The following CCDC169 variants were observed in gnomAD, a reference collection of about 807,000 sequenced individuals.
The protein encoded by CCDC169 is coiled-coil domain-containing protein 169.
A neutral mutation model predicts 36.0 loss-of-function variants in CCDC169; 30 were observed. That is an observed-to-expected ratio of 0.83 (90% CI 0.62 to 1.13). CCDC169 has a LOEUF of 1.13. CCDC169 is among the 50% of genes most tolerant of loss of function. The pLI, the probability that CCDC169 is intolerant of heterozygous loss-of-function variation, is 0.00. For synonymous variants in CCDC169, 85 were observed against 81.5 expected, an observed-to-expected ratio of 1.04 and a Z score of -0.23; for missense variants, 245 against 245.9, an observed-to-expected ratio of 1.00 and a Z score of 0.03.
At chr13:36,267,419 T>C (rs1290226757) in intron 4 of CCDC169, 1 of 152,198 alleles carries the variant, frequency 6.6e-6, no homozygotes. Flanking sequence ...TGAGGGAATT[T>C]GTCACTACCA....
At chr13:36,244,888 G>T (rs1872312277) in intron 7 of CCDC169, among the ~76,000 whole-genome samples, 1 of 142,530 alleles carries the variant, frequency 7.0e-6, no homozygotes, top group South Asian at 2.2e-4. Flanking sequence ...TTCCAGGGAA[G>T]TCCTTTGTCA....
chr13:36,294,358 A>G (rs1397333131), intron 2 of CCDC169, among the ~76,000 whole-genome samples: 1 of 152,156 alleles, frequency 6.6e-6, no homozygotes, highest in Non-Finnish European at 1.5e-5. Flanking sequence ...CAACGCAGCT[A>G]CTTGATAAGT....
In CCDC169 at chr13:36,264,223, T is replaced by C. The variant is rs115198587; in HGVS notation, c.316-10080A>G. 4.1e-3 allele frequency among the ~76,000 whole-genome samples: 622 copies of C among 152,184 alleles called. 7 individuals are homozygous for C. The highest frequency in any genetic ancestry group is 0.014 in the African/African-American group (590 of 41,532). ...GTTAAAAATACAGGCAATATATGAT[T>C]AAAAGCCAAAATCTGAAACATACAC... On this transcript the variant is annotated intron_variant, in intron 4 of 7. Coordinates refer to ENST00000239859, the MANE Select transcript of CCDC169 (RefSeq NM_001144981.3).
intron 4 of CCDC169, among the ~76,000 whole-genome samples, chr13:36,277,946 A>G (rs1304783818): frequency 1.2e-5 from 1 of 82,334 alleles, no homozygotes; most frequent in African/African-American, 3.8e-5. Context: ...CTCCGTCTCA[A>G]AAAAAAAAAA....
intron 4 of CCDC169, among the ~76,000 whole-genome samples, chr13:36,279,532 G>C (rs1877247020): frequency 1.3e-5 from 2 of 152,082 alleles, no homozygotes; most frequent in African/African-American, 4.8e-5. Flanking sequence ...TTTTTTATTA[G>C]AATTACCTGA....
intron 6 of CCDC169, 53 bp downstream of exon 6, chr13:36,253,750 C>T (rs1873470042): frequency 6.6e-7 from 1 of 1,517,562 alleles, no homozygotes; most frequent in Admixed American, 2.4e-5. Context: ...AAGTGAAAAA[C>T]ATAATTTACA....
At position 36,254,036 on chromosome 13, in the gene CCDC169, A is replaced by G; in HGVS notation, c.414+9T>C. On this transcript the variant is annotated intron_variant, in intron 5 of 7. Transcript: ENST00000239859. ...CAAAGGAATTGCTAAGTATAGAGTA[A>G]AAACAAACCTTTGATTCTTGTTCCA... 4 of 1,543,396 alleles carry G rather than the reference A, an allele frequency of 2.6e-6. No individual in the cohort carries two copies. Among genetic ancestry groups the G allele is most frequent in the Non-Finnish European group, 2.6e-6 (3 of 1,144,580 alleles).
chr13:36,226,768 C>T, downstream of CCDC169: 1 of 195,048 alleles, frequency 5.1e-6, no homozygotes, highest in Non-Finnish European at 1.0e-5. Flanking sequence ...ATAAAGACAG[C>T]AACAATAGAC....
intron 6 of CCDC169, among the ~76,000 whole-genome samples, chr13:36,252,863 C>A (rs1213483473): frequency 1.3e-5 from 2 of 151,944 alleles, no homozygotes; most frequent in African/African-American, 4.8e-5. Context: ...AAACATATGC[C>A]AAAATAAGAT....
intron 4 of CCDC169, among the ~76,000 whole-genome samples, chr13:36,281,451 GAA>G (rs888241475): frequency 6.8e-6 from 1 of 147,870 alleles, no homozygotes; most frequent in East Asian, 1.9e-4. Context: ...TGAACCTCAA[GAA>G]AAAAAAAAGT....
At chr13:36,254,299 A>G (rs557763199) in intron 4 of CCDC169, among the ~76,000 whole-genome samples, 156 bp from the exon 5 acceptor site, 13 of 127,666 alleles carry the variant, frequency 1.0e-4, no homozygotes, top group Non-Finnish European at 1.9e-4. Context: ...TTTTTTAGAC[A>G]GAGTCTCACT....
intron 4 of CCDC169, among the ~76,000 whole-genome samples, chr13:36,271,062 A>T (rs962988727): frequency 1.3e-5 from 2 of 152,198 alleles, no homozygotes; most frequent in Non-Finnish European, 2.9e-5. Context: ...ACTCAAACAA[A>T]TCAGCAAGAA....
intron 2 of CCDC169, among the ~76,000 whole-genome samples, chr13:36,294,583 G>A (rs1879257338): frequency 6.6e-6 from 1 of 152,076 alleles, no homozygotes; most frequent in East Asian, 1.9e-4. Context: ...AATGTAGCAG[G>A]ACGAGCCACA....
At chr13:36,229,929 T>A (rs1443773931), downstream of CCDC169, among the ~76,000 whole-genome samples, 2 of 152,166 alleles carry the variant, frequency 1.3e-5, no homozygotes, top group African/African-American at 4.8e-5. Flanking sequence ...TCTAATGATA[T>A]GGGTCAAGGC....
In CCDC169 at chr13:36,292,303, C is replaced by T. The variant is rs1367814387; in HGVS notation, c.163+3475G>A. On this transcript the variant is annotated intron_variant, in intron 2 of 7. Coordinates refer to ENST00000239859, the MANE Select transcript of CCDC169 (RefSeq NM_001144981.3). ...ACTGCCGCACCTGGCCTCCATTTTT[C>T]AATCTATAAAACGGAGGTAATGATA... 2.0e-5 allele frequency among the ~76,000 whole-genome samples: 3 copies of T among 152,028 alleles called. No homozygotes were observed. The East Asian group carries it at 5.8e-4, about 29-fold the overall frequency.
chr13:36,249,633 A>T (rs765520479), intron 6 of CCDC169, among the ~76,000 whole-genome samples: 57 of 152,234 alleles, frequency 3.7e-4, no homozygotes, highest in Non-Finnish European at 7.6e-4. Context: ...TTAATCGTAA[A>T]GTAAAAGTTT....
intron 7 of CCDC169, among the ~76,000 whole-genome samples, chr13:36,242,565 G>C (rs1275659679): frequency 6.6e-6 from 1 of 151,896 alleles, no homozygotes; most frequent in Admixed American, 6.6e-5. Flanking sequence ...TATTAGATGA[G>C]TGATTTGCAT....
At chr13:36,224,386 C>T (rs1298262737), downstream of CCDC169, 1 of 152,018 alleles carries the variant, frequency 6.6e-6, no homozygotes, top group African/African-American at 2.4e-5. Flanking sequence ...GAAAACCCTA[C>T]AGACTCTGCC....
chr13:36,295,968 T>G, intron 1 of CCDC169, 111 bp from the exon 2 acceptor site: 1 of 626,262 alleles, frequency 1.6e-6, no homozygotes, highest in South Asian at 2.3e-5. Context: ...GACACATTAT[T>G]TACTGAAGGA....
Sources: allele counts gnomAD v4.1 joint callset (sites outside exome capture counted in the v4.1 genomes callset), GRCh38; gene constraint gnomAD v4.1.1; transcripts MANE v1.5; gene names NCBI Gene and HGNC (gene_info 2026-07-23, HGNC 2026-07-21).